The following DLG2 variants were observed in gnomAD, a reference collection of about 807,000 sequenced individuals.
DLG2 encodes discs large MAGUK scaffold protein 2.
Under a neutral mutation model 132.5 loss-of-function variants are expected in DLG2, and 45 were observed. The observed-to-expected ratio is 0.34, with a 90% CI of 0.27 to 0.44. The LOEUF is 0.44. Among genes scored for constraint, DLG2 ranks in the 20% least tolerant of loss-of-function variants. The pLI is 1.00. For synonymous variants in DLG2, 424 were observed against 419.6 expected (o/e 1.01, Z -0.13); for missense variants, 1,045 against 1,196.9 (o/e 0.87, Z 1.87).
intron 18 of DLG2, among the ~76,000 whole-genome samples, chr11:83,761,802 T>C (rs2093923555): frequency 6.6e-6 from 1 of 152,142 alleles, no homozygotes; most frequent in Non-Finnish European, 1.5e-5. Flanking sequence ...CCTCATAAAC[T>C]CACTACCTAG....
intron 11 of DLG2, among the ~76,000 whole-genome samples, chr11:84,006,800 C>G (rs2514159): frequency 0.15 from 22,923 of 151,352 alleles, 2,147 homozygotes; most frequent in East Asian, 0.3. Flanking sequence ...TAAAAACTCA[C>G]TCTAGGAGAC....
intron 18 of DLG2, among the ~76,000 whole-genome samples, chr11:83,678,514 A>T (rs769288118): frequency 2.0e-5 from 3 of 152,160 alleles, no homozygotes; most frequent in Non-Finnish European, 4.4e-5. Context: ...AACAGCATCC[A>T]TCCCTTGCCC....
At chr11:84,714,617 TTCTCTTTCTCTCTCTCTC>T (rs2060942920) in intron 6 of DLG2, among the ~76,000 whole-genome samples, 1 of 96,606 alleles carries the variant, frequency 1.0e-5, no homozygotes, top group African/African-American at 4.4e-5. Context: ...CTCTTTCTCT[TTCTCTTTCTCTCTCTCTC>T]TCTCTCTCTC....
chr11:84,199,771 C>T (rs2096568084), intron 8 of DLG2, among the ~76,000 whole-genome samples: 1 of 151,944 alleles, frequency 6.6e-6, no homozygotes, highest in African/African-American at 2.4e-5. Flanking sequence ...AGAAAAAATA[C>T]TGCAAAATAA....
chr11:84,282,049 T>C (rs1203377795), intron 7 of DLG2, among the ~76,000 whole-genome samples: 1 of 152,238 alleles, frequency 6.6e-6, no homozygotes, highest in African/African-American at 2.4e-5. Context: ...CACATGTCTA[T>C]TCAAAGACTT....
intron 6 of DLG2, among the ~76,000 whole-genome samples, chr11:84,967,053 A>G (rs1459504298): frequency 6.6e-6 from 1 of 152,150 alleles, no homozygotes; most frequent in Non-Finnish European, 1.5e-5. Flanking sequence ...AGAATTACAC[A>G]TTGGTAAAAC....
intron 15 of DLG2, among the ~76,000 whole-genome samples, chr11:83,886,965 T>C (rs2068080258): frequency 6.6e-6 from 1 of 151,762 alleles, no homozygotes; most frequent in African/African-American, 2.4e-5. Context: ...AGAGGGAAAT[T>C]TATAGCACTA....
chr11:85,615,863 C>T (rs1006119430), intron 2 of DLG2, among the ~76,000 whole-genome samples: 2 of 151,962 alleles, frequency 1.3e-5, no homozygotes, highest in African/African-American at 4.8e-5. Flanking sequence ...GAACCCAAAC[C>T]ACTGATGGAA....
At chr11:83,806,884 A>G (rs2046041061) in intron 17 of DLG2, among the ~76,000 whole-genome samples, 1 of 152,176 alleles carries the variant, frequency 6.6e-6, no homozygotes, top group Non-Finnish European at 1.5e-5. Context: ...ATAAGCGAGG[A>G]GAATAATATA....
chr11:85,503,700 G>C (rs935855085), intron 3 of DLG2, among the ~76,000 whole-genome samples: 58 of 152,208 alleles, frequency 3.8e-4, no homozygotes, highest in African/African-American at 1.4e-3. Flanking sequence ...GGGAGCCTAA[G>C]GTGGGAGGAC....
chr11:84,689,846 A>G (rs192168625), intron 6 of DLG2, among the ~76,000 whole-genome samples: 1 of 152,022 alleles, frequency 6.6e-6, no homozygotes, highest in East Asian at 1.9e-4. Context: ...GACCATGCAC[A>G]TAATTAAGAT....
intron 4 of DLG2, among the ~76,000 whole-genome samples, chr11:85,180,339 A>AT (rs1479166851): frequency 6.6e-6 from 1 of 151,738 alleles, no homozygotes; most frequent in Non-Finnish European, 1.5e-5. Flanking sequence ...ACTGTATGTC[A>AT]TTTTGTTAAA....
At chr11:85,431,350 G>A (rs1433664369) in intron 3 of DLG2, among the ~76,000 whole-genome samples, 2 of 152,192 alleles carry the variant, frequency 1.3e-5, no homozygotes, top group African/African-American at 4.8e-5. Flanking sequence ...GGGAAGTGGT[G>A]AGTGAGCATG....
At chr11:84,947,329 A>G (rs2050347061) in intron 6 of DLG2, among the ~76,000 whole-genome samples, 1 of 152,174 alleles carries the variant, frequency 6.6e-6, no homozygotes, top group African/African-American at 2.4e-5. Context: ...CCTCTTCCCA[A>G]TAGATCTTTG....
At chr11:84,485,902 C>T (rs534688218) in intron 7 of DLG2, among the ~76,000 whole-genome samples, 36 of 152,200 alleles carry the variant, frequency 2.4e-4, no homozygotes, top group African/African-American at 8.2e-4. Flanking sequence ...GCACTCTGAT[C>T]TATATAGTCA....
intron 7 of DLG2, among the ~76,000 whole-genome samples, chr11:84,363,738 G>A (rs1225548867): frequency 6.6e-6 from 1 of 151,612 alleles, no homozygotes; most frequent in Non-Finnish European, 1.5e-5. Flanking sequence ...TGGCTAGCCA[G>A]TTTTCCCAGC....
intron 7 of DLG2, among the ~76,000 whole-genome samples, chr11:84,302,210 T>C (rs547901099): frequency 2.0e-5 from 3 of 152,078 alleles, no homozygotes; most frequent in African/African-American, 7.2e-5. Flanking sequence ...GTTGAGGGGC[T>C]AGGGGAGGGA....
intron 6 of DLG2, among the ~76,000 whole-genome samples, chr11:85,068,056 G>T (rs1593547793): frequency 6.6e-6 from 1 of 152,046 alleles, no homozygotes; most frequent in African/African-American, 2.4e-5. Context: ...AAAACCTCAT[G>T]ATTATCTCAA....
chr11:85,225,528 C>T (rs1388824025), intron 4 of DLG2, among the ~76,000 whole-genome samples: 1 of 151,724 alleles, frequency 6.6e-6, no homozygotes, highest in Non-Finnish European at 1.5e-5. Context: ...CCAAAGTTAA[C>T]TTTCTTCTCT....
Sources: allele counts gnomAD v4.1 joint callset (sites outside exome capture counted in the v4.1 genomes callset), GRCh38; gene constraint gnomAD v4.1.1; transcripts MANE v1.5; gene names NCBI Gene and HGNC (gene_info 2026-07-23, HGNC 2026-07-21).